EPHA3: variants seen among roughly 807,000 people sequenced by gnomAD.
The protein encoded by EPHA3 is EPH receptor A3.
Under a neutral mutation model 107.1 loss-of-function variants are expected in EPHA3, and 42 were observed. The observed-to-expected ratio is 0.39, with a 90% CI of 0.31 to 0.51. The LOEUF (loss-of-function observed/expected upper bound fraction) is 0.51, where lower values mean the gene tolerates loss of function less well. Ranked by LOEUF, EPHA3 falls within the 20% of genes least tolerant of loss-of-function variation. The pLI is 0.78. For missense variants in EPHA3, 1,183 were observed against 1,211.2 expected (o/e 0.98, Z 0.35); for synonymous variants, 461 against 424.8 (o/e 1.09, Z -1.05).
At chr3:89,406,353 T>A (rs1212590451) in intron 7 of EPHA3, among the ~76,000 whole-genome samples, 1 of 152,114 alleles carries the variant, frequency 6.6e-6, no homozygotes, top group African/African-American at 2.4e-5. Context: ...TCTTGAGTGG[T>A]TTTTGTGAAC....
chr3:89,325,050 G>A (rs1205472231), intron 3 of EPHA3, among the ~76,000 whole-genome samples: 3 of 152,136 alleles, frequency 2.0e-5, no homozygotes, highest in Non-Finnish European at 2.9e-5. Context: ...TCTTATGGTT[G>A]CGTGGTGTCC....
intron 3 of EPHA3, among the ~76,000 whole-genome samples, chr3:89,247,977 A>G (rs1025390240): frequency 1.3e-5 from 2 of 152,180 alleles, no homozygotes; most frequent in African/African-American, 4.8e-5. Context: ...TATGATACAT[A>G]TATTTAATTT....
Position 89,345,544 on chromosome 3 carries a change from T to C in EPHA3, c.1306+3454T>C, listed in dbSNP as rs1056967715. 1.3e-5 allele frequency among the ~76,000 whole-genome samples: 2 copies of C among 151,108 alleles called. 1 individual carries two copies. Among genetic ancestry groups the C allele is most frequent in the Non-Finnish European group, 3.0e-5 (2 of 67,556 alleles). ...ATCTCTCTTTCTATGTAAATGTTAC[T>C]TATTTCTGAACCACTTGCAGATATT... On this transcript the variant is annotated intron_variant, in intron 5 of 16. Coordinates refer to ENST00000336596, the MANE Select transcript of EPHA3 (RefSeq NM_005233.6).
intron 3 of EPHA3, among the ~76,000 whole-genome samples, chr3:89,243,281 T>C (rs1279854539): frequency 6.6e-6 from 1 of 152,066 alleles, no homozygotes; most frequent in African/African-American, 2.4e-5. Context: ...GTAATGGGAT[T>C]GCTGGGTCAA....
chr3:89,394,232 A>T (rs1708804339), intron 5 of EPHA3, among the ~76,000 whole-genome samples: 1 of 152,130 alleles, frequency 6.6e-6, no homozygotes, highest in Non-Finnish European at 1.5e-5. Flanking sequence ...GCAACATGAC[A>T]AAACTTTGTC....
chr3:89,121,053 C>T (rs771495524), intron 1 of EPHA3, among the ~76,000 whole-genome samples: 18 of 151,744 alleles, frequency 1.2e-4, no homozygotes, highest in African/African-American at 3.4e-4. Flanking sequence ...TCCTGACTAA[C>T]GCGGTGAAAC....
intron 2 of EPHA3, among the ~76,000 whole-genome samples, chr3:89,204,527 C>A (rs1320076330): frequency 1.3e-5 from 2 of 150,694 alleles, no homozygotes; most frequent in Admixed American, 1.3e-4. Context: ...AAAAACAATT[C>A]TATTCCTCAT....
chr3:89,456,496 C>T (rs556678233), intron 15 of EPHA3, among the ~76,000 whole-genome samples: 17 of 152,166 alleles, frequency 1.1e-4, no homozygotes, highest in East Asian at 5.8e-4. Flanking sequence ...AATTTAAAAA[C>T]GTTGTTGCAT....
At chr3:89,310,231 G>T (rs1706731685) in intron 3 of EPHA3, among the ~76,000 whole-genome samples, 1 of 152,056 alleles carries the variant, frequency 6.6e-6, no homozygotes, top group South Asian at 2.1e-4. Flanking sequence ...TGAGTAAAAA[G>T]CATAATAGTC....
intron 1 of EPHA3, among the ~76,000 whole-genome samples, chr3:89,113,746 G>GT (rs1553702935): frequency 9.5e-6 from 1 of 105,700 alleles, no homozygotes; most frequent in Non-Finnish European, 1.9e-5. Context: ...GGTGGGGGGG[G>GT]GCTGCATTTC....
At chr3:89,424,669 AG>A (rs1298006961) in intron 11 of EPHA3, among the ~76,000 whole-genome samples, 6 of 151,582 alleles carry the variant, frequency 4.0e-5, no homozygotes, top group African/African-American at 1.4e-4. Context: ...AATAAATAAA[AG>A]AAAGCTTGGA....
chr3:89,414,386 TTC>T (rs1709208891), intron 10 of EPHA3, among the ~76,000 whole-genome samples: 2 of 151,638 alleles, frequency 1.3e-5, no homozygotes, highest in Non-Finnish European at 3.0e-5. Context: ...GAGTAGTAAC[TTC>T]TTTTTTACAA....
intron 10 of EPHA3, among the ~76,000 whole-genome samples, chr3:89,413,999 G>T (rs1358012075): frequency 6.6e-6 from 1 of 151,534 alleles, no homozygotes; most frequent in Admixed American, 6.6e-5. Context: ...AAGTAAAAAT[G>T]AACCATGCTC....
intron 3 of EPHA3, among the ~76,000 whole-genome samples, chr3:89,285,761 C>T (rs1188732579): frequency 1.3e-5 from 2 of 152,108 alleles, no homozygotes; most frequent in Non-Finnish European, 2.9e-5. Context: ...CAAGTATTGC[C>T]AGGGAAGTAG....
intron 5 of EPHA3, among the ~76,000 whole-genome samples, chr3:89,364,143 A>T (rs1422950410): frequency 6.6e-6 from 1 of 150,836 alleles, no homozygotes; most frequent in Admixed American, 6.7e-5. Context: ...AGTCTTCACT[A>T]CACTGTTTCC....
At chr3:89,272,714 A>T (rs1705704083) in intron 3 of EPHA3, among the ~76,000 whole-genome samples, 1 of 151,654 alleles carries the variant, frequency 6.6e-6, no homozygotes. Flanking sequence ...CATTTTACTT[A>T]CTCTTTTTCT....
intron 13 of EPHA3, among the ~76,000 whole-genome samples, chr3:89,435,334 T>A (rs1342382520): frequency 6.6e-6 from 1 of 151,188 alleles, no homozygotes; most frequent in Non-Finnish European, 1.5e-5. Context: ...GTGGGGTGGC[T>A]CACGCCTATA....
At chr3:89,307,832 C>T (rs553165430) in intron 3 of EPHA3, among the ~76,000 whole-genome samples, 45 of 152,298 alleles carry the variant, frequency 3.0e-4, no homozygotes, top group African/African-American at 1.0e-3. Context: ...GGATTACAGA[C>T]ATGAGTCACT....
At chr3:89,424,064 A>G (rs556046843) in intron 11 of EPHA3, among the ~76,000 whole-genome samples, 8 of 151,588 alleles carry the variant, frequency 5.3e-5, no homozygotes, top group African/African-American at 1.9e-4. Context: ...GAGGCTAGTA[A>G]TATCTTGATA....
Sources: allele counts gnomAD v4.1 joint callset (sites outside exome capture counted in the v4.1 genomes callset), GRCh38; gene constraint gnomAD v4.1.1; transcripts MANE v1.5; gene names NCBI Gene and HGNC (gene_info 2026-07-23, HGNC 2026-07-21).